The following LOC128706666 variants were observed in gnomAD, a reference collection of about 807,000 sequenced individuals.
At chr20:10,423,719 A>C in the LOC128706666 span, among the ~76,000 whole-genome samples, 52 of 152,332 alleles carry the variant, frequency 3.4e-4, no homozygotes, top group Non-Finnish European at 6.2e-4. Context: ...TTTTATGTAT[A>C]TTGTGCTTAA....
chr20:10,427,023 A>C, the LOC128706666 span, among the ~76,000 whole-genome samples: 6,509 of 103,278 alleles, frequency 0.063, 233 homozygotes, highest in Admixed American at 0.096. Flanking sequence ...AAGAAAAGAA[A>C]ACACTGACAC....
At chr20:10,415,866 A>G in the LOC128706666 span, among the ~76,000 whole-genome samples, 9 of 152,256 alleles carry the variant, frequency 5.9e-5, no homozygotes, top group African/African-American at 2.2e-4. Context: ...TTTCATTAAA[A>G]TGACAAAGAA....
chr20:10,419,199 T>C, the LOC128706666 span, among the ~76,000 whole-genome samples: 1 of 152,124 alleles, frequency 6.6e-6, no homozygotes, highest in African/African-American at 2.4e-5. Context: ...TAACAAAACT[T>C]AGAGCATATT....
chr20:10,425,547 C>T, the LOC128706666 span, among the ~76,000 whole-genome samples: 1 of 152,174 alleles, frequency 6.6e-6, no homozygotes, highest in African/African-American at 2.4e-5. Context: ...ACTGGGAGAT[C>T]CAATTTGTGA....
At chr20:10,415,406 A>G in the LOC128706666 span, among the ~76,000 whole-genome samples, 3 of 152,308 alleles carry the variant, frequency 2.0e-5, no homozygotes, top group Non-Finnish European at 2.9e-5. Context: ...TGTTATGCAA[A>G]TGTTATTTTG....
the LOC128706666 span, chr20:10,413,838 AT>A: frequency 2.2e-6 from 1 of 457,220 alleles, no homozygotes; most frequent in Non-Finnish European, 3.9e-6. Context: ...TATGAAAGAT[AT>A]CCCAGCTACA....
the LOC128706666 span, among the ~76,000 whole-genome samples, chr20:10,429,970 C>G: frequency 1.3e-5 from 2 of 152,188 alleles, no homozygotes; most frequent in African/African-American, 4.8e-5. Flanking sequence ...TTGAGACCCA[C>G]TGTTCTAGTC....
At chr20:10,420,340 T>C in the LOC128706666 span, among the ~76,000 whole-genome samples, 1 of 152,184 alleles carries the variant, frequency 6.6e-6, no homozygotes, top group Non-Finnish European at 1.5e-5. Flanking sequence ...GCCAGGCAAG[T>C]GTCAAATGTC....
the LOC128706666 span, among the ~76,000 whole-genome samples, chr20:10,424,929 T>C: frequency 6.6e-6 from 1 of 151,972 alleles, no homozygotes; most frequent in Non-Finnish European, 1.5e-5. Context: ...GGCAGGCGCC[T>C]GTAATCCCAG....
the LOC128706666 span, among the ~76,000 whole-genome samples, chr20:10,423,060 T>C: frequency 6.6e-6 from 1 of 152,210 alleles, no homozygotes; most frequent in Non-Finnish European, 1.5e-5. Context: ...CACCATTTAC[T>C]TCTCCATGAT....
At chr20:10,418,973 C>T in the LOC128706666 span, among the ~76,000 whole-genome samples, 1 of 152,068 alleles carries the variant, frequency 6.6e-6, no homozygotes, top group African/African-American at 2.4e-5. Flanking sequence ...TTCTATGTTA[C>T]TACCTGGCTT....
At chr20:10,423,483 A>G in the LOC128706666 span, among the ~76,000 whole-genome samples, 2 of 152,204 alleles carry the variant, frequency 1.3e-5, no homozygotes, top group African/African-American at 2.4e-5. Context: ...AATAAAATTG[A>G]GATTTGTAAC....
chr20:10,415,490 C>T, the LOC128706666 span, among the ~76,000 whole-genome samples: 2 of 152,126 alleles, frequency 1.3e-5, no homozygotes, highest in Non-Finnish European at 2.9e-5. Context: ...TGATGGTCAG[C>T]TTTCTTCCTG....
the LOC128706666 span, among the ~76,000 whole-genome samples, chr20:10,424,500 C>A: frequency 6.7e-4 from 102 of 152,126 alleles, no homozygotes; most frequent in African/African-American, 2.4e-3. Flanking sequence ...TGGATGTATT[C>A]TATTGCCTGC....
chr20:10,425,679 A>G, the LOC128706666 span, among the ~76,000 whole-genome samples: 75 of 152,364 alleles, frequency 4.9e-4, no homozygotes, highest in African/African-American at 1.8e-3. Flanking sequence ...AAGATTTCTC[A>G]AGAATAAGCT....
At chr20:10,427,029 G>GACACACACACAGAC in the LOC128706666 span, among the ~76,000 whole-genome samples, 2,163 of 130,760 alleles carry the variant, frequency 0.017, 25 homozygotes, top group South Asian at 0.026. Context: ...AGAAAACACT[G>GACACACACACAGAC]ACACACACAC....
At chr20:10,417,209 C>T in the LOC128706666 span, among the ~76,000 whole-genome samples, 1 of 148,694 alleles carries the variant, frequency 6.7e-6, no homozygotes, top group African/African-American at 2.5e-5. Flanking sequence ...CGACATCACC[C>T]AACTGCAGCC....
the LOC128706666 span, among the ~76,000 whole-genome samples, chr20:10,423,882 T>C: frequency 2.0e-5 from 3 of 152,208 alleles, no homozygotes; most frequent in African/African-American, 7.2e-5. Context: ...TCCTGGTTAG[T>C]AAATGATGTA....
At chr20:10,414,843 C>G in the LOC128706666 span, among the ~76,000 whole-genome samples, 14 of 152,246 alleles carry the variant, frequency 9.2e-5, no homozygotes, top group African/African-American at 3.4e-4. Flanking sequence ...TGGCTAAAGT[C>G]AGAGCTAATT....
Sources: gnomAD v4.1 joint callset for allele counts (sites outside exome capture counted in the v4.1 genomes callset) on GRCh38, gnomAD v4.1.1 for gene constraint, MANE v1.5 for transcripts.